The following TBL1X variants were observed in gnomAD, a reference collection of about 807,000 sequenced individuals.
TBL1X encodes the protein transducin beta like 1 X-linked.
In TBL1X, 10 loss-of-function variants were observed where a neutral mutation model predicts 50.7. That is an observed-to-expected ratio of 0.20 (90% CI 0.12 to 0.33). The LOEUF (loss-of-function observed/expected upper bound fraction) is 0.33. Ranked by LOEUF, TBL1X falls within the 10% of genes least tolerant of loss-of-function variation. The pLI is 1.00. For synonymous variants in TBL1X, 190 were observed against 214.7 expected (o/e 0.88, Z 1.01); for missense variants, 340 against 504.4 (o/e 0.67, Z 3.12).
intron 2 of TBL1X, among the ~76,000 whole-genome samples, chrX:9,570,262 C>T (rs770913994): frequency 8.9e-6 from 1 of 112,239 alleles, no homozygotes; most frequent in East Asian, 2.8e-4. Context: ...GTAGCCAACA[C>T]ACATGCATAT....
chrX:9,595,796 A>G, intron 2 of TBL1X, among the ~76,000 whole-genome samples: 1 of 112,437 alleles, frequency 8.9e-6, no homozygotes, highest in African/African-American at 3.2e-5. Context: ...TGCACAGCTG[A>G]GATTTTGGCA....
intron 5 of TBL1X, among the ~76,000 whole-genome samples, chrX:9,682,344 C>T (rs190200811): frequency 5.4e-5 from 6 of 112,140 alleles, no homozygotes; most frequent in Non-Finnish European, 9.4e-5. Flanking sequence ...GAAGGGCGTC[C>T]TTTGGAACCT....
chrX:9,624,372 C>G (rs2082682051), intron 2 of TBL1X, among the ~76,000 whole-genome samples: 1 of 112,187 alleles, frequency 8.9e-6, no homozygotes, highest in African/African-American at 3.2e-5. Flanking sequence ...CATTTAAGGG[C>G]AACACTTGGT....
At position 9,508,866 on chromosome X, in the gene TBL1X, A is replaced by G. The variant is rs1276012970; in HGVS notation, c.-131+7017A>G. On this transcript the variant is annotated intron_variant, in intron 2 of 17. Coordinates refer to ENST00000645353, the MANE Select transcript of TBL1X (RefSeq NM_005647.4). ...AACCAAACACCGCATATTCTCACTC[A>G]TAAGGGGGAGTTGAACATTGAGAAC... is the stretch of plus-strand genomic sequence containing the variant. 2.7e-5 allele frequency among the ~76,000 whole-genome samples: 3 copies of G among 110,442 alleles called. No individual in the cohort carries two copies. In the Admixed American group the frequency reaches 2.9e-4, roughly 11 times the overall value.
In TBL1X at chrX:9,693,230, C is replaced by T. The variant is rs772787324; in HGVS notation, c.955+18C>T. The stretch of plus-strand genomic sequence containing the variant: ...GGAAGATGGTGAGTTCTGTGTCCCT[C>T]GTGCTGGGGTCGGGTAAGAGGAGCT... On this transcript the variant is annotated intron_variant, in intron 10 of 17. Coordinates refer to ENST00000645353, the MANE Select transcript of TBL1X (RefSeq NM_005647.4). 5.0e-6 allele frequency: 6 copies of T among 1,209,106 alleles called. No homozygotes were observed. In the African/African-American group the frequency reaches 8.8e-5, roughly 18 times the overall value.
At chrX:9,551,113 C>A (rs997664528) in intron 2 of TBL1X, among the ~76,000 whole-genome samples, 15 of 111,511 alleles carry the variant, frequency 1.3e-4, no homozygotes, top group African/African-American at 4.2e-4. Flanking sequence ...TGTACATACA[C>A]ATGTAGATGA....
chrX:9,559,472 A>T (rs2082315005), intron 2 of TBL1X, among the ~76,000 whole-genome samples: 1 of 111,388 alleles, frequency 9.0e-6, no homozygotes, highest in Non-Finnish European at 1.9e-5. Context: ...AAGTACATCA[A>T]GACGAAGTAT....
intron 12 of TBL1X, among the ~76,000 whole-genome samples, chrX:9,702,941 C>T (rs1345360616): frequency 9.0e-6 from 1 of 111,300 alleles, no homozygotes. Context: ...CGCAGGGTTA[C>T]GAGAGGTGGT....
At chrX:9,654,187 T>G in intron 4 of TBL1X, 28 bp from the exon 5 acceptor site, 1 of 1,184,306 alleles carries the variant, frequency 8.4e-7, no homozygotes, top group African/African-American at 1.8e-5. Context: ...CAAGCAGTGT[T>G]TCAAAACTCT....
At chrX:9,490,882 T>C (rs2081937707) in intron 1 of TBL1X, among the ~76,000 whole-genome samples, 2 of 112,209 alleles carry the variant, frequency 1.8e-5, no homozygotes, top group Non-Finnish European at 3.8e-5. Context: ...AGATTTCTAT[T>C]ATGAGCTTAT....
At chrX:9,544,556 A>G (rs1212677684) in intron 2 of TBL1X, among the ~76,000 whole-genome samples, 2 of 110,787 alleles carry the variant, frequency 1.8e-5, no homozygotes, top group Admixed American at 1.9e-4. Flanking sequence ...ATTTTACTCA[A>G]TGTTTATTTA....
chrX:9,510,932 G>GTCCA lies in TBL1X; in HGVS notation c.-131+9104_-131+9107dup, dbSNP rs958598599. Among the ~76,000 whole-genome samples, 283 of 111,289 alleles carry GTCCA rather than the reference G, an allele frequency of 2.5e-3. 5 individuals are homozygous for GTCCA. The highest frequency in any genetic ancestry group is 0.022 in the Admixed American group (224 of 10,409). ...TTCCTTAGAATCTGTCCATCTGTCCGTCCATCCATCCATCCATCCATCCAC... is the reference window on the plus strand; with the variant it reads ...TTCCTTAGAATCTGTCCATCTGTCCGTCCATCCATCCATCCATCCATCCATCCAC... On this transcript the variant is annotated intron_variant, in intron 2 of 17. Coordinates refer to ENST00000645353, the MANE Select transcript of TBL1X (RefSeq NM_005647.4).
rs191517817 is a variant in TBL1X at position 9,662,931 on chromosome X, T to A, written c.211+8609T>A. 2.1e-4 allele frequency among the ~76,000 whole-genome samples: 24 copies of A among 112,249 alleles called. 1 individual carries two copies. Among genetic ancestry groups the A allele is most frequent in the African/African-American group, 7.4e-4 (23 of 30,943 alleles). ...ATGATCACACCATTGCATTCCAGCCTGGACAAAAGAGTGAGACCCTGTCTC... is the reference window on the plus strand; with the variant it reads ...ATGATCACACCATTGCATTCCAGCCAGGACAAAAGAGTGAGACCCTGTCTC... On this transcript the variant is annotated intron_variant, in intron 5 of 17. Coordinates refer to ENST00000645353, the MANE Select transcript of TBL1X (RefSeq NM_005647.4).
chrX:9,669,843 G>A (rs1048477409), intron 5 of TBL1X, among the ~76,000 whole-genome samples: 2 of 111,416 alleles, frequency 1.8e-5, no homozygotes, highest in African/African-American at 6.5e-5. Context: ...AAAACCCAAA[G>A]GGAGGGATTG....
intron 2 of TBL1X, among the ~76,000 whole-genome samples, chrX:9,617,884 G>A (rs2082647131): frequency 8.9e-6 from 1 of 111,869 alleles, no homozygotes; most frequent in Admixed American, 9.5e-5. Context: ...GGTAGAATGG[G>A]CCGCTCAGCC....
intron 16 of TBL1X, among the ~76,000 whole-genome samples, chrX:9,713,280 G>C (rs752624916): frequency 1.8e-5 from 2 of 110,973 alleles, no homozygotes; most frequent in Non-Finnish European, 3.8e-5. Context: ...TGAAATCCTC[G>C]CTAGAAATAG....
chrX:9,517,290 C>A (rs1002332798), intron 2 of TBL1X, among the ~76,000 whole-genome samples: 12 of 111,265 alleles, frequency 1.1e-4, no homozygotes, highest in African/African-American at 3.9e-4. Flanking sequence ...GCTCTTTGAA[C>A]TGTGGATTCC....
At chrX:9,551,914 C>T (rs1250874623) in intron 2 of TBL1X, among the ~76,000 whole-genome samples, 2 of 111,827 alleles carry the variant, frequency 1.8e-5, no homozygotes, top group Non-Finnish European at 1.9e-5. Context: ...ACCCCCACTG[C>T]AGGGGGCAGA....
At chrX:9,708,168 C>T (rs1375797793) in intron 13 of TBL1X, among the ~76,000 whole-genome samples, 1 of 111,718 alleles carries the variant, frequency 9.0e-6, no homozygotes, top group Non-Finnish European at 1.9e-5. Context: ...CCAGCTGAAC[C>T]TTTGCCACAG....
Sources: gnomAD v4.1 joint callset for allele counts (sites outside exome capture counted in the v4.1 genomes callset) on GRCh38, gnomAD v4.1.1 for gene constraint, MANE v1.5 for transcripts, NCBI Gene and HGNC (gene_info 2026-07-23, HGNC 2026-07-21) for gene names.